Variants in RAP1GAP2 observed in about 807,000 individuals in gnomAD.
The protein encoded by RAP1GAP2 is RAP1 GTPase activating protein 2, also known as rap1 GTPase-activating protein 2.
Under a neutral mutation model 95.0 loss-of-function variants are expected in RAP1GAP2, and 27 were observed. The observed-to-expected ratio is 0.28, with a 90% confidence interval of 0.21 to 0.39. RAP1GAP2 has a LOEUF of 0.39. RAP1GAP2 is among the 10% of genes least tolerant of loss of function. The probability of loss-of-function intolerance (pLI) is 1.00; values close to 1 mark genes in which losing one functional copy is unlikely to be tolerated. For synonymous variants in RAP1GAP2, 373 were observed against 380.9 expected (o/e 0.98, Z 0.24); for missense variants, 771 against 970.0 (o/e 0.79, Z 2.72).
chr17:2,922,352 T>A (rs1391776273), intron 3 of RAP1GAP2, among the ~76,000 whole-genome samples: 3 of 152,358 alleles, frequency 2.0e-5, no homozygotes, highest in African/African-American at 4.8e-5. Context: ...GAGGGACATG[T>A]ACATTCAGAC....
At chr17:2,948,579 G>A (rs546240966) in intron 3 of RAP1GAP2, among the ~76,000 whole-genome samples, 4 of 144,704 alleles carry the variant, frequency 2.8e-5, no homozygotes, top group African/African-American at 1.0e-4. Context: ...CTGGACTCGG[G>A]TGCAACAAGA....
chr17:2,975,766 G>T (rs529974581), intron 8 of RAP1GAP2, among the ~76,000 whole-genome samples: 28 of 152,398 alleles, frequency 1.8e-4, no homozygotes, highest in Admixed American at 5.9e-4. Context: ...CACTGCCTGT[G>T]ACTGGGTGGG....
chr17:2,883,444 C>T (rs767437733), intron 2 of RAP1GAP2, among the ~76,000 whole-genome samples: 44 of 152,196 alleles, frequency 2.9e-4, no homozygotes, highest in Non-Finnish European at 6.2e-4. Context: ...GCACCTTCCC[C>T]AGCCGGGCAG....
At chr17:2,966,378 A>G (rs921116273) in intron 8 of RAP1GAP2, among the ~76,000 whole-genome samples, 1 of 152,160 alleles carries the variant, frequency 6.6e-6, no homozygotes, top group Admixed American at 6.5e-5. Context: ...GCACGAAGGA[A>G]TCTGTGTCTT....
intron 8 of RAP1GAP2, among the ~76,000 whole-genome samples, chr17:2,967,269 G>A (rs2044654215): frequency 6.6e-6 from 1 of 152,126 alleles, no homozygotes; most frequent in Non-Finnish European, 1.5e-5. Flanking sequence ...TACTCAGGAG[G>A]CTGAGGCAGG....
chr17:2,990,131 CTATT>C lies in RAP1GAP2; in HGVS notation c.814-1165_814-1162del, dbSNP rs755137696. On this transcript the variant is annotated intron_variant, in intron 11 of 24. Coordinates refer to ENST00000254695, the MANE Select transcript of RAP1GAP2 (RefSeq NM_015085.5). ...TGTGGATAGCCCACATTTTGTCTATCTATTCATCAGATGGACATTTGGGTTCTTT... is the reference window on the plus strand; with the variant it reads ...TGTGGATAGCCCACATTTTGTCTATCCATCAGATGGACATTTGGGTTCTTT... Among the ~76,000 whole-genome samples, 12 of 152,324 alleles carry C rather than the reference CTATT, an allele frequency of 7.9e-5. No individual in the cohort carries two copies. The South Asian group carries it at 1.9e-3, about 24-fold the overall frequency.
In RAP1GAP2 at chr17:2,762,796, C is replaced by T. The variant is rs538159183; in HGVS notation, c.50+7029C>T. Among the ~76,000 whole-genome samples, 299 of 152,014 alleles carry T rather than the reference C, an allele frequency of 2.0e-3. 1 individual carries two copies. The highest frequency in any genetic ancestry group is 6.8e-3 in the Middle Eastern group (2 of 294). ...ACTTCAAGTGATCCTCCTGCCTCAGCCTCCTTGGTAGCTGGGGCTATAGGT... is the reference window on the plus strand; with the variant it reads ...ACTTCAAGTGATCCTCCTGCCTCAGTCTCCTTGGTAGCTGGGGCTATAGGT... On this transcript the variant is annotated intron_variant, in intron 1 of 25. Coordinates refer to the RAP1GAP2 transcript ENST00000637138.
chr17:2,840,273 C>G (rs1184954027), intron 2 of RAP1GAP2, among the ~76,000 whole-genome samples: 1 of 151,984 alleles, frequency 6.6e-6, no homozygotes, highest in Non-Finnish European at 1.5e-5. Context: ...AAGCGATTCT[C>G]CTGCCTCAGC....
chr17:2,996,111 G>A (rs1437804946), intron 13 of RAP1GAP2, among the ~76,000 whole-genome samples: 4 of 152,122 alleles, frequency 2.6e-5, no homozygotes, highest in African/African-American at 9.7e-5. Context: ...CCCAGTGACG[G>A]AAGGCTGGTT....
At chr17:2,960,606 A>G (rs752083109) in intron 4 of RAP1GAP2, among the ~76,000 whole-genome samples, 14 of 152,276 alleles carry the variant, frequency 9.2e-5, no homozygotes, top group Non-Finnish European at 1.8e-4. Flanking sequence ...CTTCAAATCT[A>G]GGCCCTGCCA....
intron 17 of RAP1GAP2, among the ~76,000 whole-genome samples, chr17:3,013,692 T>G (rs892519435): frequency 1.2e-4 from 18 of 146,112 alleles, no homozygotes; most frequent in Admixed American, 1.2e-3. Flanking sequence ...TAATCATCCT[T>G]CAGTCATCCA....
intron 2 of RAP1GAP2, among the ~76,000 whole-genome samples, chr17:2,809,384 C>T (rs1323494920): frequency 6.6e-6 from 1 of 152,212 alleles, no homozygotes; most frequent in Non-Finnish European, 1.5e-5. Context: ...TGGCATGGTC[C>T]TTGTGGGTCC....
chr17:2,911,400 G>A (rs917357905), intron 3 of RAP1GAP2, among the ~76,000 whole-genome samples: 4 of 152,178 alleles, frequency 2.6e-5, no homozygotes, highest in African/African-American at 7.2e-5. Context: ...TTGAGGCTGC[G>A]TCTGTGGGAA....
intron 19 of RAP1GAP2, among the ~76,000 whole-genome samples, chr17:3,024,534 C>T (rs62089802): frequency 7.9e-5 from 12 of 152,216 alleles, no homozygotes; most frequent in East Asian, 5.8e-4. Flanking sequence ...CAAGCAATTC[C>T]GCTCCTAGGT....
intron 8 of RAP1GAP2, among the ~76,000 whole-genome samples, chr17:2,973,052 A>C (rs2044942205): frequency 6.6e-6 from 1 of 152,148 alleles, no homozygotes; most frequent in Non-Finnish European, 1.5e-5. Flanking sequence ...GGAGAACTGA[A>C]GGCAATGTGG....
At chr17:2,840,735 C>A (rs762061257) in intron 2 of RAP1GAP2, among the ~76,000 whole-genome samples, 16 of 152,184 alleles carry the variant, frequency 1.1e-4, no homozygotes, top group Non-Finnish European at 2.2e-4. Flanking sequence ...CCGTGGCTCA[C>A]GCCTGTAATC....
chr17:2,825,807 G>C lies in RAP1GAP2; in HGVS notation c.80+25257G>C, dbSNP rs891074534. Among the ~76,000 whole-genome samples, 3 of 152,094 alleles carry C rather than the reference G, an allele frequency of 2.0e-5. No homozygotes were observed. The highest frequency in any genetic ancestry group is 2.9e-5 in the Non-Finnish European group (2 of 68,028). On this transcript the variant is annotated intron_variant, in intron 2 of 24. Transcript: ENST00000254695. The surrounding 1 kb of genome is among the most constrained non-coding windows in gnomAD (Gnocchi z 4.1). ...ATCCAAGGAACTCACAGTCTCTGGA[G>C]GAAACAGACATTTAACAGTCATCTG... is the stretch of plus-strand genomic sequence containing the variant.
chr17:3,014,224 G>A (rs112457550), intron 17 of RAP1GAP2, among the ~76,000 whole-genome samples: 2 of 149,982 alleles, frequency 1.3e-5, no homozygotes, highest in South Asian at 2.1e-4. Context: ...CTGGATGGTC[G>A]AGCCTAGGAC....
At chr17:2,769,272 A>G (rs1349768825) in intron 1 of RAP1GAP2, among the ~76,000 whole-genome samples, 1 of 118,078 alleles carries the variant, frequency 8.5e-6, no homozygotes, top group Non-Finnish European at 1.7e-5. Context: ...AAAAAAAAAA[A>G]GGTCTGGGTG....
Sources: allele counts gnomAD v4.1 joint callset (sites outside exome capture counted in the v4.1 genomes callset), GRCh38; gene constraint gnomAD v4.1.1; non-coding constraint Gnocchi (gnomAD v3.1); transcripts MANE v1.5; gene names NCBI Gene and HGNC (gene_info 2026-07-23, HGNC 2026-07-21).